Variants in LGR5 observed in about 807,000 individuals in gnomAD.
LGR5 encodes leucine rich repeat containing G protein-coupled receptor 5.
Under a neutral mutation model 76.7 loss-of-function variants are expected in LGR5, and 54 were observed. The observed-to-expected ratio is 0.70, with a 90% confidence interval of 0.57 to 0.88. LGR5 has a LOEUF of 0.88. LGR5 is among the 40% of genes least tolerant of loss of function. LGR5 has a pLI of 0.00. For missense variants in LGR5, 1,078 were observed against 1,073.3 expected (o/e 1.00, Z -0.06); for synonymous variants, 406 against 421.9 (o/e 0.96, Z 0.46).
intron 1 of LGR5, among the ~76,000 whole-genome samples, chr12:71,487,048 T>C (rs1873861662): frequency 6.6e-6 from 1 of 152,148 alleles, no homozygotes; most frequent in Non-Finnish European, 1.5e-5. Flanking sequence ...AAAACCTTTA[T>C]ATATTTTGTT....
intron 12 of LGR5, among the ~76,000 whole-genome samples, 162 bp from the exon 13 acceptor site, chr12:71,572,688 G>T (rs540479882): frequency 6.6e-6 from 1 of 152,154 alleles, no homozygotes; most frequent in South Asian, 2.1e-4. Context: ...TGTGTAAATG[G>T]TAATGTTCTT....
In LGR5 at chr12:71,583,993, G is replaced by C. The variant is rs939261982; in HGVS notation, c.1983G>C (p.Glu661Asp). Residue 661 changes from glutamate (E) to aspartate (D), a missense_variant, in exon 18 of 18, where the codon GAG becomes GAC. Transcript: ENST00000266674. ...SVFLLTLAAL[E>D]RGFSVKYSAK... ...TCCTGCTTACTCTGGCAGCCCTGGAGCGTGGGTTCTCTGTGAAATATTCTG... is the reference window on the plus strand; with the variant it reads ...TCCTGCTTACTCTGGCAGCCCTGGACCGTGGGTTCTCTGTGAAATATTCTG... 1 of 1,614,194 alleles carries C rather than the reference G, an allele frequency of 6.2e-7. No individual in the cohort carries two copies. The highest frequency in any genetic ancestry group is 8.5e-7 in the Non-Finnish European group (1 of 1,180,042).
At chr12:71,498,327 C>G (rs1335521995) in intron 1 of LGR5, among the ~76,000 whole-genome samples, 1 of 152,130 alleles carries the variant, frequency 6.6e-6, no homozygotes, top group Non-Finnish European at 1.5e-5. Context: ...GTCCAGGCTG[C>G]TACAACAAAT....
intron 8 of LGR5, among the ~76,000 whole-genome samples, chr12:71,564,753 C>T (rs1340073626): frequency 1.4e-5 from 2 of 140,468 alleles, no homozygotes; most frequent in Non-Finnish European, 3.1e-5. Flanking sequence ...TATATATATA[C>T]ATATATACAT....
At chr12:71,501,344 G>C (rs1055793017) in intron 1 of LGR5, among the ~76,000 whole-genome samples, 3 of 152,156 alleles carry the variant, frequency 2.0e-5, no homozygotes, top group Non-Finnish European at 2.9e-5. Context: ...CTAGACCTCG[G>C]TTCTAGGCCT....
At position 71,521,794 on chromosome 12, in the gene LGR5, A is replaced by T. The variant is rs1422853941; in HGVS notation, c.285-2612A>T. On this transcript the variant is annotated intron_variant, in intron 2 of 17. Coordinates refer to ENST00000266674, the MANE Select transcript of LGR5 (RefSeq NM_003667.4). ...TTTCAGACAGTATTCAAGGCCCTAT[A>T]CGGATACCAAGAGAATATCCAGGTT... is the stretch of plus-strand genomic sequence containing the variant. Among the ~76,000 whole-genome samples, 3 of 152,362 alleles carry T rather than the reference A, an allele frequency of 2.0e-5. No homozygotes were observed. In the East Asian group the frequency reaches 5.8e-4, roughly 29 times the overall value.
intron 7 of LGR5, among the ~76,000 whole-genome samples, chr12:71,560,704 A>C (rs532720908): frequency 6.6e-6 from 1 of 152,208 alleles, no homozygotes; most frequent in Non-Finnish European, 1.5e-5. Flanking sequence ...AGGCACGAGA[A>C]TTGCTTTGAA....
chr12:71,450,374 C>T (rs1010108316), intron 1 of LGR5, among the ~76,000 whole-genome samples: 2 of 152,134 alleles, frequency 1.3e-5, no homozygotes, highest in Non-Finnish European at 2.9e-5. Context: ...TCTGTATTAC[C>T]TAAAAATCTG....
At chr12:71,581,564 G>A (rs946395728) in intron 16 of LGR5, among the ~76,000 whole-genome samples, 1 of 152,208 alleles carries the variant, frequency 6.6e-6, no homozygotes, top group African/African-American at 2.4e-5. Context: ...TCTGTTTAAG[G>A]AACTGATATC....
At chr12:71,505,858 G>A (rs1874827248) in intron 2 of LGR5, among the ~76,000 whole-genome samples, 1 of 152,120 alleles carries the variant, frequency 6.6e-6, no homozygotes, top group African/African-American at 2.4e-5. Flanking sequence ...TGTCATTCAT[G>A]GAATAGATTT....
At chr12:71,582,605 A>G in intron 17 of LGR5, 66 bp downstream of exon 17, 27 of 1,244,060 alleles carry the variant, frequency 2.2e-5, no homozygotes, top group Non-Finnish European at 3.1e-5. Context: ...CATGAAAAAC[A>G]ATACAGCTAT....
intron 1 of LGR5, among the ~76,000 whole-genome samples, chr12:71,454,391 C>T (rs770448464): frequency 3.9e-5 from 6 of 152,174 alleles, no homozygotes; most frequent in Non-Finnish European, 7.4e-5. Flanking sequence ...GAAGTAAACT[C>T]TGTCAGCCCA....
chr12:71,456,981 A>G (rs1040455639), intron 1 of LGR5, among the ~76,000 whole-genome samples: 2 of 152,120 alleles, frequency 1.3e-5, no homozygotes, highest in South Asian at 2.1e-4. Flanking sequence ...ATAAGATTCC[A>G]TACACCCCCA....
At position 71,451,454 on chromosome 12, in the gene LGR5, A is replaced by C. The variant is rs376398147; in HGVS notation, c.212+11162A>C. The stretch of plus-strand genomic sequence containing the variant: ...CTGCATCTTACAATTTCCCTATTTC[A>C]TGCCTCCAGGTGTTCACATGTGTTG... On this transcript the variant is annotated intron_variant, in intron 1 of 17. Coordinates refer to ENST00000266674, the MANE Select transcript of LGR5 (RefSeq NM_003667.4). Among the ~76,000 whole-genome samples, 9 of 152,190 alleles carry C rather than the reference A, an allele frequency of 5.9e-5. No homozygotes were observed. The East Asian group carries it at 1.7e-3, about 29-fold the overall frequency.
intron 1 of LGR5, among the ~76,000 whole-genome samples, chr12:71,456,420 ACACCTT>A (rs1872478397): frequency 6.6e-6 from 1 of 152,156 alleles, no homozygotes; most frequent in Non-Finnish European, 1.5e-5. Context: ...TTCCTAATTA[ACACCTT>A]CAGTCTCAAA....
rs370996214 is a variant in LGR5, at chr12:71,553,307, G to C, written c.644+19G>C. On this transcript the variant is annotated intron_variant, in intron 5 of 17. Transcript: ENST00000266674. ...TAGTTCTGTAAGTTTTATTGATTTT[G>C]CTCTCTTTTAACAGTTTCTAATGTC... The C allele has an allele frequency of 1.5e-5, 24 of 1,602,356 alleles. No homozygotes were observed. The highest frequency in any genetic ancestry group is 2.2e-5 in the South Asian group (2 of 90,820).
chr12:71,538,196 G>A (rs1876697506), intron 4 of LGR5, among the ~76,000 whole-genome samples: 2 of 152,106 alleles, frequency 1.3e-5, no homozygotes, highest in Non-Finnish European at 2.9e-5. Context: ...CCAAAGCCTA[G>A]ACTGCAGCCT....
At chr12:71,541,280 T>C (rs1455070991) in intron 4 of LGR5, among the ~76,000 whole-genome samples, 1 of 152,226 alleles carries the variant, frequency 6.6e-6, no homozygotes, top group African/African-American at 2.4e-5. Flanking sequence ...AAGTGAATAC[T>C]TTATGCAATA....
At chr12:71,521,313 C>A (rs780025071) in intron 2 of LGR5, among the ~76,000 whole-genome samples, 1 of 152,138 alleles carries the variant, frequency 6.6e-6, no homozygotes, top group African/African-American at 2.4e-5. Flanking sequence ...GAGGAAACCG[C>A]GGGGGTCCAT....
Sources: allele counts gnomAD v4.1 joint callset (sites outside exome capture counted in the v4.1 genomes callset), GRCh38; gene constraint gnomAD v4.1.1; transcripts MANE v1.5; gene names NCBI Gene and HGNC (gene_info 2026-07-23, HGNC 2026-07-21).